KCNIP4: variants seen among roughly 807,000 people sequenced by gnomAD.
KCNIP4 encodes the protein Kv channel-interacting protein 4.
Under a neutral mutation model 34.0 loss-of-function variants are expected in KCNIP4, and 12 were observed. That is an observed-to-expected ratio of 0.35 (90% CI 0.23 to 0.57). KCNIP4 has a LOEUF of 0.57. Ranked by LOEUF, KCNIP4 falls within the 20% of genes least tolerant of loss-of-function variation. The pLI, the probability that KCNIP4 is intolerant of heterozygous loss-of-function variation, is 0.83. For synonymous variants in KCNIP4, 124 were observed against 102.2 expected, an observed-to-expected ratio of 1.21 and a Z score of -1.29; for missense variants, 238 against 311.7, an observed-to-expected ratio of 0.76 and a Z score of 1.78.
intron 1 of KCNIP4, among the ~76,000 whole-genome samples, chr4:21,857,958 C>T (rs1724857894): frequency 6.6e-6 from 1 of 152,202 alleles, no homozygotes; most frequent in Admixed American, 6.5e-5. Context: ...TTCCCCAGTG[C>T]CAGCTGTGGA....
intron 1 of KCNIP4, among the ~76,000 whole-genome samples, chr4:21,326,336 C>T (rs1256108174): frequency 6.6e-6 from 1 of 151,592 alleles, no homozygotes; most frequent in Non-Finnish European, 1.5e-5. Context: ...GTTATACCCC[C>T]TTGCTGAATT....
intron 1 of KCNIP4, among the ~76,000 whole-genome samples, chr4:21,200,597 G>T (rs1026262853): frequency 6.6e-6 from 1 of 151,778 alleles, no homozygotes; most frequent in South Asian, 2.1e-4. Context: ...GTATGAAAAG[G>T]CATACAGAGT....
At chr4:21,808,990 A>C (rs1479077183) in intron 1 of KCNIP4, among the ~76,000 whole-genome samples, 2 of 152,208 alleles carry the variant, frequency 1.3e-5, no homozygotes, top group Non-Finnish European at 2.9e-5. Context: ...GAAGAGCAAT[A>C]AAGTCCATGA....
At chr4:21,276,915 C>A (rs538524652) in intron 1 of KCNIP4, among the ~76,000 whole-genome samples, 1 of 152,250 alleles carries the variant, frequency 6.6e-6, no homozygotes, top group Admixed American at 6.5e-5. Flanking sequence ...TATTCTCCAT[C>A]CTGTCTGGAA....
intron 3 of KCNIP4, among the ~76,000 whole-genome samples, chr4:20,764,676 A>C (rs986824673): frequency 4.5e-5 from 5 of 110,904 alleles, no homozygotes; most frequent in Non-Finnish European, 9.1e-5. Context: ...ATCACATGGG[A>C]ATTGGACACA....
chr4:21,642,392 CT>C (rs1442643072), intron 1 of KCNIP4, among the ~76,000 whole-genome samples: 30 of 152,114 alleles, frequency 2.0e-4, no homozygotes, highest in African/African-American at 6.7e-4. Context: ...GTGGAATGAC[CT>C]TTTGAAGACT....
intron 1 of KCNIP4, among the ~76,000 whole-genome samples, chr4:21,294,971 G>A (rs964388774): frequency 2.0e-5 from 3 of 152,080 alleles, no homozygotes; most frequent in African/African-American, 7.2e-5. Flanking sequence ...TACCTCTACT[G>A]TCACAATATT....
At chr4:21,204,585 T>C (rs1412409213) in intron 1 of KCNIP4, among the ~76,000 whole-genome samples, 2 of 152,218 alleles carry the variant, frequency 1.3e-5, no homozygotes, top group African/African-American at 4.8e-5. Context: ...AGAGGTCTAA[T>C]AATCCATGAA....
intron 1 of KCNIP4, among the ~76,000 whole-genome samples, chr4:21,077,473 T>C (rs1457270670): frequency 6.6e-6 from 1 of 152,126 alleles, no homozygotes; most frequent in Admixed American, 6.6e-5. Context: ...GTTCAAAATA[T>C]GTAGTTTTTA....
chr4:21,284,070 A>G (rs1762950547), intron 1 of KCNIP4, among the ~76,000 whole-genome samples: 1 of 151,904 alleles, frequency 6.6e-6, no homozygotes, highest in Non-Finnish European at 1.5e-5. Context: ...AAAATTAGCC[A>G]GGTGTGGTGG....
At chr4:20,813,095 T>C (rs1715971798) in intron 3 of KCNIP4, among the ~76,000 whole-genome samples, 1 of 152,220 alleles carries the variant, frequency 6.6e-6, no homozygotes, top group South Asian at 2.1e-4. Context: ...GGTAGTCATG[T>C]GCCCAGAAGG....
chr4:21,059,414 A>G (rs1366514944), intron 1 of KCNIP4, among the ~76,000 whole-genome samples: 1 of 152,082 alleles, frequency 6.6e-6, no homozygotes, highest in African/African-American at 2.4e-5. Flanking sequence ...ACAAAATTAC[A>G]TGGCTTACAT....
intron 1 of KCNIP4, among the ~76,000 whole-genome samples, chr4:21,651,784 C>T (rs1248215896): frequency 6.6e-6 from 1 of 152,060 alleles, no homozygotes; most frequent in Non-Finnish European, 1.5e-5. Context: ...GGATTCAAAT[C>T]CTAACTTTCT....
In KCNIP4 at chr4:20,728,915, A is replaced by T. The variant is rs756571828; in HGVS notation, c.*1167T>A. Reference sequence around the variant, plus strand: ...ATGTGGCAACTTTACAGTTTTGGCTAAGATGATTAAAAATAATCTGAATTA... The same window carrying T: ...ATGTGGCAACTTTACAGTTTTGGCTTAGATGATTAAAAATAATCTGAATTA... On this transcript the variant is annotated 3_prime_UTR_variant, in exon 9 of 9. Coordinates refer to ENST00000382152, the MANE Select transcript of KCNIP4 (RefSeq NM_025221.6). 23 of 130,652 alleles carry T rather than the reference A, an allele frequency of 1.8e-4. No homozygotes were observed. Among genetic ancestry groups the T allele is most frequent in the Non-Finnish European group, 2.6e-4 (16 of 60,398 alleles). 8.1% of individuals were successfully genotyped at this position (130,652 alleles called of 1,614,324 possible). A position where few individuals can be genotyped will look rare whatever the true frequency, so the allele number is the denominator to read the frequency against.
chr4:20,924,661 T>C (rs960265483), intron 1 of KCNIP4, among the ~76,000 whole-genome samples: 7 of 152,202 alleles, frequency 4.6e-5, no homozygotes, highest in African/African-American at 1.4e-4. Flanking sequence ...TCAAAATGCT[T>C]AGCAATCTGG....
chr4:20,821,855 T>C (rs967784616), intron 3 of KCNIP4, among the ~76,000 whole-genome samples: 3 of 132,854 alleles, frequency 2.3e-5, no homozygotes, highest in African/African-American at 9.0e-5. Context: ...TGTGTGTGTA[T>C]GTGTGTGTGT....
In KCNIP4 at chr4:21,412,620, C is replaced by T. The variant is rs149773649; in HGVS notation, c.62-529911G>A. 4.1e-3 allele frequency among the ~76,000 whole-genome samples: 623 copies of T among 152,236 alleles called. 2 individuals carry two copies. The highest frequency in any genetic ancestry group is 0.021 in the Middle Eastern group (6 of 292). On this transcript the variant is annotated intron_variant, in intron 1 of 8. Transcript: ENST00000382152. ...TATGTGTATTTGATTTTAAAAGATC[C>T]AAACTTGAAATTATGCTCAGAACCA...
intron 1 of KCNIP4, among the ~76,000 whole-genome samples, chr4:21,736,915 CTT>C (rs1245555129): frequency 1.3e-5 from 2 of 152,012 alleles, no homozygotes; most frequent in African/African-American, 4.8e-5. Context: ...GTTTTCTTGA[CTT>C]TGATTTTAAT....
chr4:21,258,304 G>C (rs78916427), intron 1 of KCNIP4, among the ~76,000 whole-genome samples: 1,643 of 152,294 alleles, frequency 0.011, 26 homozygotes, highest in African/African-American at 0.036. Flanking sequence ...CGAGTAAACA[G>C]TAGGTGCTCA....
Sources: gnomAD v4.1 joint callset for allele counts (sites outside exome capture counted in the v4.1 genomes callset) on GRCh38, gnomAD v4.1.1 for gene constraint, MANE v1.5 for transcripts, NCBI Gene and HGNC (gene_info 2026-07-23, HGNC 2026-07-21) for gene names.